The following PPARGC1A variants were observed in gnomAD, a reference collection of about 807,000 sequenced individuals.
PPARGC1A encodes the protein peroxisome proliferator-activated receptor gamma coactivator 1-alpha.
A neutral mutation model predicts 88.7 loss-of-function variants in PPARGC1A; 25 were observed. The ratio of observed to expected loss-of-function variants is 0.28; its 90% CI spans 0.21 to 0.39. The LOEUF is 0.39. Among genes scored for constraint, PPARGC1A ranks in the 10% least tolerant of loss-of-function variants. The probability of loss-of-function intolerance (pLI) is 1.00; values close to 1 mark genes in which losing one functional copy is unlikely to be tolerated. For missense variants in PPARGC1A, 880 were observed against 968.7 expected (o/e 0.91, Z 1.22); for synonymous variants, 363 against 355.6 (o/e 1.02, Z -0.24).
At chr4:24,315,102 C>T in the PPARGC1A span, among the ~76,000 whole-genome samples, 2 of 151,770 alleles carry the variant, frequency 1.3e-5, no homozygotes, top group South Asian at 4.2e-4. Context: ...GGCTTTTCCA[C>T]ACCCATCTTA....
the PPARGC1A span, among the ~76,000 whole-genome samples, chr4:24,041,498 C>G: frequency 6.6e-6 from 1 of 152,098 alleles, no homozygotes; most frequent in South Asian, 2.1e-4. Context: ...TAACCCTTCC[C>G]ATATCTCGAA....
chr4:24,252,478 G>A, the PPARGC1A span, among the ~76,000 whole-genome samples: 1 of 152,214 alleles, frequency 6.6e-6, no homozygotes, highest in Non-Finnish European at 1.5e-5. Flanking sequence ...TGCCAACCAA[G>A]ATTGCTGGAT....
At chr4:24,111,112 G>T in the PPARGC1A span, among the ~76,000 whole-genome samples, 1 of 152,028 alleles carries the variant, frequency 6.6e-6, no homozygotes, top group Admixed American at 6.6e-5. Context: ...TTGCCCTAGG[G>T]AGATTATTGC....
the PPARGC1A span, among the ~76,000 whole-genome samples, chr4:23,941,864 C>T: frequency 1.6e-4 from 25 of 152,158 alleles, no homozygotes; most frequent in African/African-American, 6.0e-4. Context: ...TAAAGAATGA[C>T]TATAATATCA....
the PPARGC1A span, among the ~76,000 whole-genome samples, chr4:24,123,410 C>T: frequency 6.6e-6 from 1 of 152,082 alleles, no homozygotes; most frequent in African/African-American, 2.4e-5. Context: ...TTTTTTGGAA[C>T]CCACACATTG....
chr4:23,916,869 T>C, the PPARGC1A span, among the ~76,000 whole-genome samples: 7 of 152,356 alleles, frequency 4.6e-5, no homozygotes, highest in Admixed American at 4.6e-4. Flanking sequence ...GAAGTGGTGC[T>C]TCGATCTAAT....
At chr4:24,034,923 C>A in the PPARGC1A span, among the ~76,000 whole-genome samples, 1 of 144,848 alleles carries the variant, frequency 6.9e-6, no homozygotes, top group East Asian at 2.1e-4. Context: ...GCTTTGAAGA[C>A]AATGACATGG....
At chr4:24,043,523 T>A in the PPARGC1A span, among the ~76,000 whole-genome samples, 882 of 152,262 alleles carry the variant, frequency 5.8e-3, 37 homozygotes, top group East Asian at 0.096. Flanking sequence ...ACACCCCTTT[T>A]CTCATCTTTT....
intron 5 of PPARGC1A, 50 bp from the exon 6 acceptor site, chr4:23,824,558 A>T (rs1723588036): frequency 6.9e-7 from 1 of 1,459,712 alleles, no homozygotes; most frequent in Non-Finnish European, 9.4e-7. Flanking sequence ...TGTCTTTTAG[A>T]TTTCTTTTCT....
the PPARGC1A span, among the ~76,000 whole-genome samples, chr4:23,954,980 T>TGTCAGAG: frequency 2.6e-5 from 4 of 152,054 alleles, no homozygotes; most frequent in African/African-American, 9.7e-5. Flanking sequence ...GTAGAAGAGA[T>TGTCAGAG]GTCAGAGTGT....
At chr4:23,971,185 T>C in the PPARGC1A span, among the ~76,000 whole-genome samples, 1 of 152,178 alleles carries the variant, frequency 6.6e-6, no homozygotes, top group African/African-American at 2.4e-5. Flanking sequence ...TCTAGATAGA[T>C]GGGACACTAA....
At chr4:23,948,975 G>A in the PPARGC1A span, among the ~76,000 whole-genome samples, 1 of 152,062 alleles carries the variant, frequency 6.6e-6, no homozygotes, top group Non-Finnish European at 1.5e-5. Context: ...AATCATAACT[G>A]GATGTAGACT....
chr4:24,449,506 G>C, the PPARGC1A span, among the ~76,000 whole-genome samples: 21 of 152,228 alleles, frequency 1.4e-4, no homozygotes, highest in Non-Finnish European at 5.9e-5. Context: ...GTCTCTACCT[G>C]CAAGATTATA....
chr4:24,093,348 T>A, the PPARGC1A span, among the ~76,000 whole-genome samples: 1 of 152,242 alleles, frequency 6.6e-6, no homozygotes. Flanking sequence ...GAAGATTATA[T>A]AGGAACATGC....
At chr4:24,110,910 AC>A in the PPARGC1A span, among the ~76,000 whole-genome samples, 9 of 152,216 alleles carry the variant, frequency 5.9e-5, no homozygotes, top group Non-Finnish European at 1.5e-5. Flanking sequence ...ATGTCTGAAA[AC>A]CAGGCCTTCT....
the PPARGC1A span, among the ~76,000 whole-genome samples, chr4:24,316,899 C>A: frequency 1.3e-5 from 2 of 152,206 alleles, no homozygotes; most frequent in African/African-American, 2.4e-5. Flanking sequence ...AATCTCCCTA[C>A]CTTCCACAGC....
At chr4:24,278,091 C>A in the PPARGC1A span, among the ~76,000 whole-genome samples, 1 of 151,900 alleles carries the variant, frequency 6.6e-6, no homozygotes, top group Non-Finnish European at 1.5e-5. Context: ...CACTTGAGCC[C>A]AGGAGTTCGA....
At chr4:24,388,775 C>T in the PPARGC1A span, among the ~76,000 whole-genome samples, 9 of 151,682 alleles carry the variant, frequency 5.9e-5, no homozygotes, top group East Asian at 1.8e-3. Flanking sequence ...ACAATGAGAA[C>T]ACATGGACAC....
At chr4:24,421,073 A>T in the PPARGC1A span, among the ~76,000 whole-genome samples, 47,992 of 151,786 alleles carry the variant, frequency 0.32, 7,902 homozygotes, top group Non-Finnish European at 0.34. Context: ...ACACTATTGC[A>T]TTGGGGATTT....
Sources: gnomAD v4.1 joint callset for allele counts (sites outside exome capture counted in the v4.1 genomes callset) on GRCh38, gnomAD v4.1.1 for gene constraint, MANE v1.5 for transcripts, NCBI Gene and HGNC (gene_info 2026-07-23, HGNC 2026-07-21) for gene names.